IRAG1: variants seen among roughly 807,000 people sequenced by gnomAD.
IRAG1 encodes the protein IP3R-associated cGMP kinase substrate.
IRAG1 carries 62 observed loss-of-function variants against 106.2 expected under a neutral mutation model. The observed-to-expected ratio is 0.58, with a 90% confidence interval of 0.48 to 0.72. The LOEUF (loss-of-function observed/expected upper bound fraction) is 0.72, where lower values mean the gene tolerates loss of function less well. IRAG1 is among the 30% of genes least tolerant of loss of function. IRAG1 has a pLI of 0.00. For missense variants in IRAG1, 1,064 were observed against 1,140.7 expected (o/e 0.93, Z 0.97); for synonymous variants, 462 against 443.9 (o/e 1.04, Z -0.51).
At position 10,659,739 on chromosome 11, in the gene IRAG1, T is replaced by C. The variant is rs181230309; in HGVS notation, c.68-7557A>G. ...TTAAAAATAGGTCCACTTGAAAAAA[T>C]TTTTTCTTCTTCAAAATATGTACAA... On this transcript the variant is annotated intron_variant, in intron 1 of 20. Transcript: ENST00000423302. This position sits in a 1 kb window ranked among gnomAD's most constrained non-coding sequence, Gnocchi z 4.1. Among the ~76,000 whole-genome samples, 367 of 151,934 alleles carry C rather than the reference T, an allele frequency of 2.4e-3. No individual in the cohort carries two copies. Among genetic ancestry groups the C allele is most frequent in the African/African-American group, 8.6e-3 (355 of 41,452 alleles).
intron 10 of IRAG1, chr11:10,616,930 G>A: frequency 1.7e-6 from 1 of 591,048 alleles, no homozygotes; most frequent in Admixed American, 6.3e-5. Flanking sequence ...ATTTGTTTCT[G>A]ACCATGTCAG....
chr11:10,633,383 T>G (rs1856894971), intron 3 of IRAG1, among the ~76,000 whole-genome samples: 1 of 152,192 alleles, frequency 6.6e-6, no homozygotes, highest in Non-Finnish European at 1.5e-5. Context: ...CCGAGAATTA[T>G]CTTTTTAACT....
At chr11:10,686,465 G>A (rs1269237005) in intron 1 of IRAG1, among the ~76,000 whole-genome samples, 1 of 152,196 alleles carries the variant, frequency 6.6e-6, no homozygotes, top group Non-Finnish European at 1.5e-5. Context: ...TCATAAACAA[G>A]ACTAGGAGAC....
At chr11:10,643,176 C>CAAAAAA (rs10679269) in intron 2 of IRAG1, among the ~76,000 whole-genome samples, 21,076 of 60,118 alleles carry the variant, frequency 0.35, 4,380 homozygotes, top group Non-Finnish European at 0.37. Flanking sequence ...GACTCCGTCT[C>CAAAAAA]AAAAAAAAAA....
In IRAG1 at chr11:10,693,718, T is replaced by C; in HGVS notation, c.-116A>G. 1 of 1,242,392 alleles carries C rather than the reference T, an allele frequency of 8.0e-7. No homozygotes were observed. Among genetic ancestry groups the C allele is most frequent in the Non-Finnish European group, 1.1e-6 (1 of 897,562 alleles). 77.0% of individuals were successfully genotyped at this position (1,242,392 alleles called of 1,614,324 possible). A position where few individuals can be genotyped will look rare whatever the true frequency, so the allele number is the denominator to read the frequency against. ...TGGGACTTAGAGCCGAGAGCTCCTCTGGGAGCCCCACTCCGGCCTGGCTCG... is the reference window on the plus strand; with the variant it reads ...TGGGACTTAGAGCCGAGAGCTCCTCCGGGAGCCCCACTCCGGCCTGGCTCG... On this transcript the variant is annotated 5_prime_UTR_variant, in exon 1 of 21. Coordinates refer to ENST00000423302, the MANE Select transcript of IRAG1 (RefSeq NM_130385.4).
intron 10 of IRAG1, among the ~76,000 whole-genome samples, chr11:10,616,290 CAAAAAA>C (rs71034776): frequency 8.5e-6 from 1 of 117,354 alleles, no homozygotes; most frequent in Non-Finnish European, 1.8e-5. Flanking sequence ...GACTCCATCT[CAAAAAA>C]AAAAAAAAAG....
chr11:10,587,089 A>C (rs1197504150), intron 18 of IRAG1, among the ~76,000 whole-genome samples: 1 of 152,166 alleles, frequency 6.6e-6, no homozygotes, highest in Non-Finnish European at 1.5e-5. Context: ...GGATCTTGGC[A>C]TCTGTCCCCT....
rs144718606 is a variant in IRAG1 at position 10,576,331 on chromosome 11, C to A, written c.*1G>T. ...AGGGCACTGGCTAGGTGTGAGGTTT[C>A]CTACTGCTCTGTAGGCTGCTCATGC... On this transcript the variant is annotated 3_prime_UTR_variant, in exon 21 of 21. Transcript: ENST00000423302. 463 of 1,613,654 alleles carry A rather than the reference C, an allele frequency of 2.9e-4. 5 individuals carry two copies. The East Asian group carries it at 8.4e-3, about 29-fold the overall frequency.
chr11:10,686,170 T>C (rs1249205086), intron 1 of IRAG1, among the ~76,000 whole-genome samples: 1 of 152,206 alleles, frequency 6.6e-6, no homozygotes. Context: ...TAATTACTTA[T>C]TGGGTACTTA....
At chr11:10,632,425 A>T (rs1856777175) in intron 3 of IRAG1, among the ~76,000 whole-genome samples, 1 of 152,034 alleles carries the variant, frequency 6.6e-6, no homozygotes, top group South Asian at 2.1e-4. Context: ...ACCTCAGGTG[A>T]TCTGCCCGCC....
At chr11:10,648,451 GTGT>G in intron 2 of IRAG1, among the ~76,000 whole-genome samples, 1 of 152,312 alleles carries the variant, frequency 6.6e-6, no homozygotes, top group Non-Finnish European at 1.5e-5. Context: ...GAGGAATCTG[GTGT>G]TCAAAAAATT....
intron 1 of IRAG1, chr11:10,652,479 G>T: frequency 3.4e-6 from 2 of 595,806 alleles, no homozygotes; most frequent in Non-Finnish European, 2.6e-6. Flanking sequence ...GCTAATGGAA[G>T]ATACTCCATT....
intron 2 of IRAG1, among the ~76,000 whole-genome samples, chr11:10,645,019 G>A (rs948631115): frequency 3.3e-5 from 5 of 152,208 alleles, no homozygotes; most frequent in East Asian, 1.9e-4. Context: ...GGAGAAGGCC[G>A]TGGGAGAACA....
At chr11:10,687,542 A>C in intron 1 of IRAG1, 2 of 605,030 alleles carry the variant, frequency 3.3e-6, no homozygotes, top group South Asian at 5.4e-5. Context: ...CACCAGCTTC[A>C]TCAGTCATAC....
At chr11:10,609,210 C>T (rs1411025735) in intron 11 of IRAG1, among the ~76,000 whole-genome samples, 2 of 152,174 alleles carry the variant, frequency 1.3e-5, no homozygotes, top group Admixed American at 6.5e-5. Context: ...ACTCTCATGT[C>T]ATTCTCTAGA....
chr11:10,650,287 C>T (rs1275460844), intron 2 of IRAG1, among the ~76,000 whole-genome samples: 1 of 152,144 alleles, frequency 6.6e-6, no homozygotes, highest in Non-Finnish European at 1.5e-5. Flanking sequence ...TGAGGATATA[C>T]TCTGAAAGAA....
intron 2 of IRAG1, among the ~76,000 whole-genome samples, chr11:10,635,155 G>A (rs553282016): frequency 6.6e-6 from 1 of 152,348 alleles, no homozygotes; most frequent in South Asian, 2.1e-4. Flanking sequence ...TTCCACGACA[G>A]TCCTACCTTT....
chr11:10,578,924 A>G (rs752524767), intron 20 of IRAG1, among the ~76,000 whole-genome samples: 8 of 152,158 alleles, frequency 5.3e-5, no homozygotes, highest in Non-Finnish European at 1.0e-4. Flanking sequence ...TGCTGTATTC[A>G]CGGGTGCCAG....
intron 4 of IRAG1, chr11:10,629,969 A>C: frequency 9.7e-6 from 4 of 412,650 alleles, no homozygotes; most frequent in Non-Finnish European, 8.7e-6. Flanking sequence ...ATTTTCCTAA[A>C]CTCTGTCAGG....
Sources: allele counts gnomAD v4.1 joint callset (sites outside exome capture counted in the v4.1 genomes callset), GRCh38; gene constraint gnomAD v4.1.1; non-coding constraint Gnocchi (gnomAD v3.1); transcripts MANE v1.5; gene names NCBI Gene and HGNC (gene_info 2026-07-23, HGNC 2026-07-21).